KLF12: variants seen among roughly 807,000 people sequenced by gnomAD.
The protein encoded by KLF12 is Krueppel-like factor 12.
A neutral mutation model predicts 37.8 loss-of-function variants in KLF12; 9 were observed. That is an observed-to-expected ratio of 0.24 (90% CI 0.14 to 0.42). KLF12 has a LOEUF of 0.42. Ranked by LOEUF, KLF12 falls within the 10% of genes least tolerant of loss-of-function variation. The pLI, the probability that KLF12 is intolerant of heterozygous loss-of-function variation, is 1.00. For missense variants in KLF12, 411 were observed against 516.0 expected, an observed-to-expected ratio of 0.80 and a Z score of 1.97; for synonymous variants, 208 against 202.1, an observed-to-expected ratio of 1.03 and a Z score of -0.25.
chr13:74,172,887 T>C, the KLF12 span, among the ~76,000 whole-genome samples: 1 of 152,176 alleles, frequency 6.6e-6, no homozygotes, highest in Non-Finnish European at 1.5e-5. Context: ...CTTTTTCTGA[T>C]CAACATCTAA....
chr13:73,841,955 A>G (rs552541638), intron 4 of KLF12, among the ~76,000 whole-genome samples: 39 of 152,150 alleles, frequency 2.6e-4, no homozygotes, highest in Non-Finnish European at 5.1e-4. Context: ...ATTTTTCTTC[A>G]TATCACATAT....
intron 1 of KLF12, among the ~76,000 whole-genome samples, chr13:74,066,234 G>A (rs1166292372): frequency 1.3e-5 from 2 of 152,190 alleles, no homozygotes; most frequent in African/African-American, 2.4e-5. Flanking sequence ...GTCGACTGAA[G>A]CAGATGGTGA....
the KLF12 span, among the ~76,000 whole-genome samples, chr13:74,220,554 T>C: frequency 6.6e-6 from 1 of 152,316 alleles, no homozygotes; most frequent in Admixed American, 6.5e-5. Context: ...ATCTACTCTT[T>C]TTAGTTATTT....
chr13:74,155,415 GC>G, the KLF12 span, among the ~76,000 whole-genome samples: 4 of 150,372 alleles, frequency 2.7e-5, no homozygotes, highest in Non-Finnish European at 4.4e-5. Flanking sequence ...AGGCCACTGT[GC>G]AATTGCATGT....
chr13:73,904,469 CTT>C (rs11342071), intron 3 of KLF12, among the ~76,000 whole-genome samples: 293 of 91,974 alleles, frequency 3.2e-3, no homozygotes, highest in African/African-American at 0.011. Flanking sequence ...TCTTTCTTTC[CTT>C]TTTTTTTTTT....
intron 2 of KLF12, among the ~76,000 whole-genome samples, chr13:73,949,739 C>A (rs540584255): frequency 6.6e-6 from 1 of 152,306 alleles, no homozygotes; most frequent in East Asian, 1.9e-4. Context: ...ATGCTGATAA[C>A]TCAGTTTCAT....
At chr13:73,870,585 G>A (rs1348281894) in intron 3 of KLF12, among the ~76,000 whole-genome samples, 6 of 152,182 alleles carry the variant, frequency 3.9e-5, no homozygotes, top group Non-Finnish European at 8.8e-5. Context: ...CATTCTTAAA[G>A]CAATACTTGT....
chr13:74,214,520 C>G, the KLF12 span, among the ~76,000 whole-genome samples: 1 of 152,014 alleles, frequency 6.6e-6, no homozygotes, highest in African/African-American at 2.4e-5. Flanking sequence ...ATTGATTGAT[C>G]GTTTGGTTGG....
At chr13:73,695,754 T>C in intron 7 of KLF12, 83 bp from the exon 8 acceptor site, 1 of 1,285,572 alleles carries the variant, frequency 7.8e-7, no homozygotes, top group Non-Finnish European at 1.1e-6. Context: ...TTTGGGAAAC[T>C]GGTGTTCTCA....
At chr13:73,770,714 C>T (rs1334332113) in intron 5 of KLF12, among the ~76,000 whole-genome samples, 3 of 151,482 alleles carry the variant, frequency 2.0e-5, no homozygotes, top group South Asian at 2.1e-4. Context: ...GTAGAGATGG[C>T]GTTTCACCAT....
chr13:73,880,181 G>A (rs959375924), intron 3 of KLF12, among the ~76,000 whole-genome samples: 2 of 152,084 alleles, frequency 1.3e-5, no homozygotes, highest in Admixed American at 1.3e-4. Context: ...TGAATACTTG[G>A]AAACTGACAC....
the KLF12 span, among the ~76,000 whole-genome samples, chr13:74,156,743 G>A: frequency 6.6e-6 from 1 of 151,930 alleles, no homozygotes; most frequent in African/African-American, 2.4e-5. Flanking sequence ...TCTGTACCTG[G>A]CTTATTTCAC....
At chr13:74,302,011 A>G in the KLF12 span, among the ~76,000 whole-genome samples, 1 of 152,156 alleles carries the variant, frequency 6.6e-6, no homozygotes, top group Non-Finnish European at 1.5e-5. Flanking sequence ...TTCAATGACA[A>G]ATAACCTCCA....
intron 1 of KLF12, among the ~76,000 whole-genome samples, chr13:74,007,322 T>A (rs1437486396): frequency 1.3e-5 from 2 of 151,790 alleles, no homozygotes; most frequent in Non-Finnish European, 2.9e-5. Context: ...GCCTCCCAGG[T>A]TGGAGTGCAG....
At chr13:74,117,501 A>G (rs924877911) in intron 1 of KLF12, among the ~76,000 whole-genome samples, 13 of 152,316 alleles carry the variant, frequency 8.5e-5, no homozygotes, top group African/African-American at 2.9e-4. Flanking sequence ...GAACAAAATA[A>G]TCTATAGAAT....
intron 3 of KLF12, among the ~76,000 whole-genome samples, chr13:73,937,172 G>A (rs1418658823): frequency 6.7e-6 from 1 of 149,468 alleles, no homozygotes; most frequent in African/African-American, 2.5e-5. Flanking sequence ...CCTGGCGACA[G>A]AGCGAGACTC....
intron 1 of KLF12, among the ~76,000 whole-genome samples, chr13:74,020,334 G>A (rs1892809350): frequency 6.6e-6 from 1 of 152,054 alleles, no homozygotes; most frequent in Non-Finnish European, 1.5e-5. Flanking sequence ...GAAAGAAAAC[G>A]GGTACCCTAA....
chr13:74,046,010 G>A (rs949315836), intron 1 of KLF12, among the ~76,000 whole-genome samples: 6 of 152,134 alleles, frequency 3.9e-5, no homozygotes, highest in Non-Finnish European at 8.8e-5. Flanking sequence ...TTAGAAGCTG[G>A]GTGATATTTC....
At chr13:74,092,269 C>A (rs1875712531) in intron 1 of KLF12, among the ~76,000 whole-genome samples, 1 of 144,540 alleles carries the variant, frequency 6.9e-6, no homozygotes, top group African/African-American at 2.6e-5. Flanking sequence ...TGCACTCTAG[C>A]CTGGGATACA....
Sources: gnomAD v4.1 joint callset for allele counts (sites outside exome capture counted in the v4.1 genomes callset) on GRCh38, gnomAD v4.1.1 for gene constraint, MANE v1.5 for transcripts, NCBI Gene and HGNC (gene_info 2026-07-23, HGNC 2026-07-21) for gene names.